Variants in KIRREL3 observed in about 807,000 individuals in gnomAD.
KIRREL3 encodes kin of IRRE-like protein 3.
A neutral mutation model predicts 89.7 loss-of-function variants in KIRREL3; 36 were observed. The observed-to-expected ratio is 0.40, with a 90% confidence interval of 0.31 to 0.53. The LOEUF is 0.53. Among genes scored for constraint, KIRREL3 ranks in the 20% least tolerant of loss-of-function variants. The pLI is 0.49. For synonymous variants in KIRREL3, 445 were observed against 441.4 expected (o/e 1.01, Z -0.10); for missense variants, 864 against 1,056.6 (o/e 0.82, Z 2.53).
intron 1 of KIRREL3, among the ~76,000 whole-genome samples, chr11:126,921,403 CTAT>C (rs879609388): frequency 0.02 from 2,216 of 108,534 alleles, 33 homozygotes; most frequent in South Asian, 0.09. Flanking sequence ...ATCTATCTAT[CTAT>C]CTATCTATCT....
intron 1 of KIRREL3, among the ~76,000 whole-genome samples, chr11:126,650,382 T>C (rs1213378813): frequency 1.3e-5 from 2 of 152,196 alleles, no homozygotes; most frequent in African/African-American, 4.8e-5. Context: ...TCTGAACTTT[T>C]ATGCTTGGCT....
intron 1 of KIRREL3, among the ~76,000 whole-genome samples, chr11:126,928,518 C>T (rs1479773070): frequency 6.6e-6 from 1 of 152,046 alleles, no homozygotes; most frequent in Non-Finnish European, 1.5e-5. Flanking sequence ...AAAAGAGGCC[C>T]TGCAGGCGGA....
chr11:126,497,546 C>G (rs957335432), intron 4 of KIRREL3, among the ~76,000 whole-genome samples: 1 of 151,984 alleles, frequency 6.6e-6, no homozygotes, highest in Non-Finnish European at 1.5e-5. Context: ...CACCTCTGCT[C>G]TTCAGCTCAG....
chr11:126,427,116 C>T lies in KIRREL3; in HGVS notation c.1807-1392G>A, dbSNP rs1954971432. On this transcript the variant is annotated intron_variant, in intron 15 of 16. Transcript: ENST00000525144. The surrounding 1 kb of genome is among the most constrained non-coding windows in gnomAD (Gnocchi z 5.3). ...AGTCTGAGGCAAACAGAATGTTTGCCGATGGGAGAGAATTCAAGGTCCCGT... is the reference window on the plus strand; with the variant it reads ...AGTCTGAGGCAAACAGAATGTTTGCTGATGGGAGAGAATTCAAGGTCCCGT... 6.6e-6 allele frequency among the ~76,000 whole-genome samples: 1 copy of T among 152,004 alleles called. No individual in the cohort carries two copies. The highest frequency in any genetic ancestry group is 1.5e-5 in the Non-Finnish European group (1 of 68,012).
chr11:126,800,879 G>A (rs964698377), intron 1 of KIRREL3, among the ~76,000 whole-genome samples: 16 of 152,324 alleles, frequency 1.1e-4, no homozygotes, highest in African/African-American at 3.8e-4. Flanking sequence ...GTGGAGCAGA[G>A]TGGCTGCATT....
At chr11:126,536,882 T>C (rs897024768) in intron 2 of KIRREL3, among the ~76,000 whole-genome samples, 2 of 152,108 alleles carry the variant, frequency 1.3e-5, no homozygotes, top group African/African-American at 4.8e-5. Flanking sequence ...TGACCTCAAG[T>C]GATCTTCCCA....
chr11:126,433,411 C>T (rs1955207127), intron 13 of KIRREL3, among the ~76,000 whole-genome samples: 2 of 152,170 alleles, frequency 1.3e-5, no homozygotes, highest in African/African-American at 2.4e-5. Context: ...CAGCCATTTG[C>T]CCTCCGGCCA....
At chr11:126,751,401 G>A (rs770105039) in intron 1 of KIRREL3, among the ~76,000 whole-genome samples, 1 of 152,316 alleles carries the variant, frequency 6.6e-6, no homozygotes, top group African/African-American at 2.4e-5. Flanking sequence ...AGCTGGGAAG[G>A]TTTCAATATC....
chr11:126,492,920 G>A lies in KIRREL3; in HGVS notation c.434-19454C>T, dbSNP rs966033825. Among the ~76,000 whole-genome samples, 7 of 152,334 alleles carry A rather than the reference G, an allele frequency of 4.6e-5. No individual in the cohort carries two copies. The highest frequency in any genetic ancestry group is 1.7e-4 in the African/African-American group (7 of 41,582). ...CAGGGGATGAGGGTGGAGGAATTAAGTTAGACATGCCGCAGAACTTCCTGG... is the reference window on the plus strand; with the variant it reads ...CAGGGGATGAGGGTGGAGGAATTAAATTAGACATGCCGCAGAACTTCCTGG... On this transcript the variant is annotated intron_variant, in intron 4 of 16. Transcript: ENST00000525144. The surrounding 1 kb of genome is among the most constrained non-coding windows in gnomAD (Gnocchi z 4.8).
At chr11:126,832,365 A>G (rs1430398818) in intron 1 of KIRREL3, among the ~76,000 whole-genome samples, 2 of 152,214 alleles carry the variant, frequency 1.3e-5, no homozygotes, top group East Asian at 1.9e-4. Flanking sequence ...AATGTGATGG[A>G]GGAAATAAAC....
In KIRREL3 at chr11:126,977,109, T is replaced by C. The variant is rs1288857022; in HGVS notation, c.55+23346A>G. ...CCTAAAAAAATCTCTCTTTTCCTTT[T>C]TTCTTTTTCTGCAGGCTTCAGCTCC... On this transcript the variant is annotated intron_variant, in intron 1 of 16. Transcript: ENST00000525144. This position sits in a 1 kb window ranked among gnomAD's most constrained non-coding sequence, Gnocchi z 4.7. Among the ~76,000 whole-genome samples the C allele has an allele frequency of 6.6e-6, 1 of 152,222 alleles. No homozygotes were observed. The highest frequency in any genetic ancestry group is 6.5e-5 in the Admixed American group (1 of 15,290).
chr11:126,912,273 C>T lies in KIRREL3; in HGVS notation c.55+88182G>A, dbSNP rs548688421. 1.1e-3 allele frequency among the ~76,000 whole-genome samples: 164 copies of T among 152,232 alleles called. No individual in the cohort carries two copies. The highest frequency in any genetic ancestry group is 3.8e-3 in the African/African-American group (157 of 41,556). On this transcript the variant is annotated intron_variant, in intron 1 of 16. Coordinates refer to ENST00000525144, the MANE Select transcript of KIRREL3 (RefSeq NM_032531.4). This position sits in a 1 kb window ranked among gnomAD's most constrained non-coding sequence, Gnocchi z 4.7. The stretch of plus-strand genomic sequence containing the variant: ...CCCTTCACCTTCAAGCAGGCTAAAC[C>T]GGCCGAGAGTGGCTCTGAGGACCTG...
At chr11:126,765,068 G>A (rs1198646235) in intron 1 of KIRREL3, among the ~76,000 whole-genome samples, 1 of 152,212 alleles carries the variant, frequency 6.6e-6, no homozygotes, top group Non-Finnish European at 1.5e-5. Flanking sequence ...ATGGACAGGA[G>A]ACCATTTACT....
At chr11:126,446,272 T>C (rs1332791883) in intron 9 of KIRREL3, among the ~76,000 whole-genome samples, 4 of 126,816 alleles carry the variant, frequency 3.2e-5, no homozygotes, top group African/African-American at 1.2e-4. Flanking sequence ...TTCTCTCTCT[T>C]TCTTTTCTTT....
At chr11:126,583,021 T>C (rs1941639677) in intron 1 of KIRREL3, among the ~76,000 whole-genome samples, 1 of 152,130 alleles carries the variant, frequency 6.6e-6, no homozygotes, top group African/African-American at 2.4e-5. Context: ...CTGCTATCTG[T>C]TCTTGATACT....
chr11:126,979,368 A>C (rs1383494203), intron 1 of KIRREL3, among the ~76,000 whole-genome samples: 1 of 152,264 alleles, frequency 6.6e-6, no homozygotes, highest in Non-Finnish European at 1.5e-5. Flanking sequence ...AATAGGCCTT[A>C]AGAACAACAT....
chr11:126,732,409 A>C (rs4935986), intron 1 of KIRREL3, among the ~76,000 whole-genome samples: 64,080 of 152,020 alleles, frequency 0.42, 14,845 homozygotes, highest in East Asian at 0.86. Flanking sequence ...TAAGCACACA[A>C]AGAAAGGAAA....
At chr11:126,873,733 C>A (rs11220645) in intron 1 of KIRREL3, among the ~76,000 whole-genome samples, 2,530 of 152,312 alleles carry the variant, frequency 0.017, 85 homozygotes, top group African/African-American at 0.058. Context: ...GGAGTCCAGG[C>A]ATCTGTCCAG....
chr11:126,974,625 G>A (rs903753178), intron 1 of KIRREL3, among the ~76,000 whole-genome samples: 6 of 146,968 alleles, frequency 4.1e-5, no homozygotes, highest in South Asian at 2.2e-4. Context: ...GGTATAGCCC[G>A]TTACACACCT....
Sources: gnomAD v4.1 joint callset for allele counts (sites outside exome capture counted in the v4.1 genomes callset) on GRCh38, gnomAD v4.1.1 for gene constraint, Gnocchi (gnomAD v3.1) non-coding constraint, MANE v1.5 for transcripts, NCBI Gene and HGNC (gene_info 2026-07-23, HGNC 2026-07-21) for gene names.